Variants in KCNIP4 observed in about 807,000 individuals in gnomAD.
The protein encoded by KCNIP4 is potassium voltage-gated channel interacting protein 4, also known as Kv channel-interacting protein 4.
In KCNIP4, 12 loss-of-function variants were observed where a neutral mutation model predicts 34.0. The observed-to-expected ratio is 0.35, with a 90% confidence interval of 0.23 to 0.57. KCNIP4 has a LOEUF of 0.57. Ranked by LOEUF, KCNIP4 falls within the 20% of genes least tolerant of loss-of-function variation. KCNIP4 has a pLI of 0.83. For synonymous variants in KCNIP4, 124 were observed against 102.2 expected, an observed-to-expected ratio of 1.21 and a Z score of -1.29; for missense variants, 238 against 311.7, an observed-to-expected ratio of 0.76 and a Z score of 1.78.
intron 1 of KCNIP4, among the ~76,000 whole-genome samples, chr4:21,048,364 T>C (rs1742620385): frequency 6.6e-6 from 1 of 152,158 alleles, no homozygotes; most frequent in Non-Finnish European, 1.5e-5. Context: ...GAAAGTGACG[T>C]GCATCACTTT....
At chr4:20,862,780 A>G (rs1722341709) in intron 2 of KCNIP4, among the ~76,000 whole-genome samples, 1 of 152,186 alleles carries the variant, frequency 6.6e-6, no homozygotes. Context: ...ACGGAATACT[A>G]TGCAGCCATA....
chr4:21,654,702 T>C (rs897884278), intron 1 of KCNIP4, among the ~76,000 whole-genome samples: 1 of 152,008 alleles, frequency 6.6e-6, no homozygotes, highest in Non-Finnish European at 1.5e-5. Context: ...GGCAGGCAGA[T>C]CACGAGGTCA....
At chr4:21,113,893 T>C (rs16870400) in intron 1 of KCNIP4, among the ~76,000 whole-genome samples, 20,179 of 152,256 alleles carry the variant, frequency 0.13, 1,630 homozygotes, top group African/African-American at 0.23. Context: ...TTAACTCTAA[T>C]ACACCATAAT....
chr4:20,786,907 G>A (rs1164840580), intron 3 of KCNIP4, among the ~76,000 whole-genome samples: 4 of 152,062 alleles, frequency 2.6e-5, no homozygotes, highest in Non-Finnish European at 5.9e-5. Context: ...TTTTGTTAAC[G>A]TAAGACGGGC....
intron 5 of KCNIP4, among the ~76,000 whole-genome samples, chr4:20,745,173 C>T (rs1752149942): frequency 2.0e-5 from 3 of 152,090 alleles, no homozygotes; most frequent in Admixed American, 2.0e-4. Flanking sequence ...TAGCCAGCCC[C>T]ATCTCTGGCC....
intron 1 of KCNIP4, among the ~76,000 whole-genome samples, chr4:20,980,809 TAAA>T (rs547579828): frequency 2.3e-5 from 3 of 131,080 alleles, no homozygotes; most frequent in Non-Finnish European, 5.1e-5. Context: ...TTCTCCACCA[TAAA>T]AAAAAAAAAA....
intron 3 of KCNIP4, among the ~76,000 whole-genome samples, chr4:20,790,502 A>G (rs1450636819): frequency 6.6e-6 from 1 of 152,178 alleles, no homozygotes; most frequent in Non-Finnish European, 1.5e-5. Context: ...CACATTGTAC[A>G]GTTGTACAAA....
At chr4:21,418,720 GT>G (rs1725181835) in intron 1 of KCNIP4, among the ~76,000 whole-genome samples, 2 of 152,164 alleles carry the variant, frequency 1.3e-5, no homozygotes, top group African/African-American at 4.8e-5. Context: ...AAGTGTCTAT[GT>G]CTCCGAAGCT....
chr4:21,385,607 G>C (rs1471732779), intron 1 of KCNIP4, among the ~76,000 whole-genome samples: 3 of 152,064 alleles, frequency 2.0e-5, no homozygotes, highest in Non-Finnish European at 4.4e-5. Context: ...AATAGCAAAA[G>C]GATTCACATA....
intron 1 of KCNIP4, among the ~76,000 whole-genome samples, chr4:21,276,017 C>T (rs936426603): frequency 6.6e-6 from 1 of 152,134 alleles, no homozygotes; most frequent in Non-Finnish European, 1.5e-5. Flanking sequence ...TGTGTTGGGG[C>T]CACAGTCAAA....
intron 1 of KCNIP4, among the ~76,000 whole-genome samples, chr4:21,936,005 T>C (rs1729843982): frequency 6.6e-6 from 1 of 151,404 alleles, no homozygotes; most frequent in Non-Finnish European, 1.5e-5. Context: ...TACACACACA[T>C]AGTATATATA....
intron 1 of KCNIP4, among the ~76,000 whole-genome samples, chr4:21,363,262 A>ACTAC (rs1271220574): frequency 6.6e-6 from 1 of 152,070 alleles, no homozygotes; most frequent in Non-Finnish European, 1.5e-5. Context: ...CCTTCATTGA[A>ACTAC]CTACCTAGTT....
intron 1 of KCNIP4, among the ~76,000 whole-genome samples, chr4:21,635,713 T>C (rs1028604657): frequency 6.6e-6 from 1 of 152,158 alleles, no homozygotes; most frequent in Non-Finnish European, 1.5e-5. Flanking sequence ...AGTTCAACCA[T>C]TGTGGAAGTC....
intron 1 of KCNIP4, among the ~76,000 whole-genome samples, chr4:21,325,143 C>T (rs929799893): frequency 3.3e-5 from 5 of 151,856 alleles, no homozygotes; most frequent in African/African-American, 1.2e-4. Flanking sequence ...AGTATTCCCT[C>T]CTCCTAATTT....
At chr4:21,582,006 A>AAGAAT (rs1170134097) in intron 1 of KCNIP4, 83 of 96,560 alleles carry the variant, frequency 8.6e-4, no homozygotes, top group African/African-American at 2.0e-3. Flanking sequence ...TAGGGCATAG[A>AAGAAT]AGAATAGAAT....
At chr4:21,299,153 T>C (rs1764014018) in intron 1 of KCNIP4, among the ~76,000 whole-genome samples, 1 of 152,086 alleles carries the variant, frequency 6.6e-6, no homozygotes, top group African/African-American at 2.4e-5. Context: ...ACATGAATAA[T>C]ATATCTATAC....
chr4:21,542,581 TTTAGA>T (rs555362043), intron 1 of KCNIP4, among the ~76,000 whole-genome samples: 91 of 151,876 alleles, frequency 6.0e-4, no homozygotes, highest in African/African-American at 2.0e-3. Context: ...TGTGGTAGAA[TTTAGA>T]TTAAAGTAAT....
intron 3 of KCNIP4, among the ~76,000 whole-genome samples, chr4:20,784,651 C>G (rs778018521): frequency 3.3e-5 from 5 of 151,994 alleles, no homozygotes; most frequent in Non-Finnish European, 7.4e-5. Context: ...TTTCATTACA[C>G]AAATGATCAT....
At chr4:21,945,337 A>T (rs967924948) in intron 1 of KCNIP4, among the ~76,000 whole-genome samples, 4 of 152,196 alleles carry the variant, frequency 2.6e-5, no homozygotes, top group Non-Finnish European at 5.9e-5. Flanking sequence ...CTGAATTTCA[A>T]CACTTTGTCC....
Sources: allele counts gnomAD v4.1 joint callset (sites outside exome capture counted in the v4.1 genomes callset), GRCh38; gene constraint gnomAD v4.1.1; transcripts MANE v1.5; gene names NCBI Gene and HGNC (gene_info 2026-07-23, HGNC 2026-07-21).